GRIP1: variants seen among roughly 807,000 people sequenced by gnomAD.
The protein encoded by GRIP1 is glutamate receptor interacting protein 1, also known as glutamate receptor-interacting protein 1.
A neutral mutation model predicts 129.9 loss-of-function variants in GRIP1; 45 were observed. The ratio of observed to expected loss-of-function variants is 0.35; its 90% CI spans 0.27 to 0.44. The LOEUF (loss-of-function observed/expected upper bound fraction) is 0.44, where lower values mean the gene tolerates loss of function less well. Ranked by LOEUF, GRIP1 falls within the 20% of genes least tolerant of loss-of-function variation. GRIP1 has a pLI of 1.00. For synonymous variants in GRIP1, 530 were observed against 520.8 expected (o/e 1.02, Z -0.24); for missense variants, 1,196 against 1,396.8 (o/e 0.86, Z 2.29).
chr12:66,453,653 T>G (rs1310833440), intron 11 of GRIP1, among the ~76,000 whole-genome samples: 1 of 152,216 alleles, frequency 6.6e-6, no homozygotes, highest in Non-Finnish European at 1.5e-5. Context: ...CATATACACA[T>G]GCAATCTCAT....
At chr12:66,768,113 C>A (rs746773070) in intron 1 of GRIP1, among the ~76,000 whole-genome samples, 11 of 152,238 alleles carry the variant, frequency 7.2e-5, no homozygotes, top group Non-Finnish European at 1.2e-4. Flanking sequence ...TGATTAAATG[C>A]TCTATTTGGT....
At chr12:67,043,915 G>A (rs1048320940) in intron 1 of GRIP1, among the ~76,000 whole-genome samples, 1 of 151,902 alleles carries the variant, frequency 6.6e-6, no homozygotes, top group Non-Finnish European at 1.5e-5. Context: ...ATTTCAAACA[G>A]TGAATAGATA....
chr12:66,684,943 T>A (rs2034725587), intron 1 of GRIP1, among the ~76,000 whole-genome samples: 2 of 152,148 alleles, frequency 1.3e-5, no homozygotes. Context: ...TTCATGACCA[T>A]CTCCAACTAG....
chr12:66,960,368 GC>G (rs1204082914), intron 1 of GRIP1, among the ~76,000 whole-genome samples: 1 of 152,170 alleles, frequency 6.6e-6, no homozygotes, highest in Non-Finnish European at 1.5e-5. Context: ...ACAGCACTTA[GC>G]AATTGACTAG....
chr12:66,970,928 G>A (rs964374984), intron 1 of GRIP1, among the ~76,000 whole-genome samples: 1 of 152,050 alleles, frequency 6.6e-6, no homozygotes, highest in Non-Finnish European at 1.5e-5. Context: ...CATTCTGAGC[G>A]CACTTCAAAG....
chr12:66,637,277 T>C (rs10784568), intron 1 of GRIP1, among the ~76,000 whole-genome samples: 29,904 of 151,974 alleles, frequency 0.2, 3,048 homozygotes, highest in Non-Finnish European at 0.23. Flanking sequence ...ACCTTATATT[T>C]GGGAAGATAA....
chr12:66,973,378 CTTT>C (rs55729292), intron 1 of GRIP1, among the ~76,000 whole-genome samples: 17,552 of 129,328 alleles, frequency 0.14, 1,086 homozygotes, highest in African/African-American at 0.25. Flanking sequence ...CTTTTTCATT[CTTT>C]TTTTTTTTTT....
intron 1 of GRIP1, among the ~76,000 whole-genome samples, chr12:66,696,638 A>C (rs181963790): frequency 2.4e-4 from 36 of 151,526 alleles, no homozygotes; most frequent in African/African-American, 7.5e-4. Context: ...AAAAAACAAA[A>C]AACAAACAAA....
chr12:66,845,850 G>A (rs1469609911), intron 1 of GRIP1, among the ~76,000 whole-genome samples: 1 of 152,120 alleles, frequency 6.6e-6, no homozygotes, highest in South Asian at 2.1e-4. Context: ...AAGGACTACT[G>A]GCATGTAATA....
rs557694573 is a variant in GRIP1 at position 66,922,055 on chromosome 12, T to C, written c.58+146995A>G. Among the ~76,000 whole-genome samples, 4 of 152,346 alleles carry C rather than the reference T, an allele frequency of 2.6e-5. No individual in the cohort carries two copies. In the South Asian group the frequency reaches 8.3e-4, roughly 32 times the overall value. On this transcript the variant is annotated intron_variant, in intron 1 of 1. Transcript: ENST00000643019. The stretch of plus-strand genomic sequence containing the variant: ...TCATGCTTGTTTCAAAAGTGTTTAT[T>C]TCACCTTATCTATTTGTAAAGGATG...
chr12:66,980,489 T>C (rs905909011), intron 1 of GRIP1, among the ~76,000 whole-genome samples: 4 of 152,120 alleles, frequency 2.6e-5, no homozygotes, highest in Admixed American at 1.3e-4. Context: ...CACACGTCTG[T>C]AGTCCCAGCT....
At chr12:66,769,225 ATT>A (rs112284216) in intron 1 of GRIP1, among the ~76,000 whole-genome samples, 12 of 144,772 alleles carry the variant, frequency 8.3e-5, no homozygotes, top group Admixed American at 6.9e-5. Flanking sequence ...CCAAATGGAA[ATT>A]TTTTTTTTTT....
rs115448694 is a variant in GRIP1, at chr12:66,494,869, G to A, written c.724+20750C>T. 7.3e-3 allele frequency among the ~76,000 whole-genome samples: 1,114 copies of A among 152,140 alleles called. 16 individuals carry two copies. Among genetic ancestry groups the A allele is most frequent in the African/African-American group, 0.026 (1,070 of 41,496 alleles). ...GCACTCCAGCCAGGGTGACAGAGCA[G>A]GAAGGAAAGAAGCATCTCAGAAACA... On this transcript the variant is annotated intron_variant, in intron 7 of 24. Coordinates refer to ENST00000359742, the MANE Select transcript of GRIP1 (RefSeq NM_001366722.1).
chr12:66,492,301 C>A (rs1372336321), intron 7 of GRIP1, among the ~76,000 whole-genome samples: 1 of 152,108 alleles, frequency 6.6e-6, no homozygotes, highest in Non-Finnish European at 1.5e-5. Context: ...ATATTTAAAG[C>A]ATCTACATTT....
At chr12:67,037,329 A>AAAAAATAATAAT (rs1555167297) in intron 1 of GRIP1, 1 of 139,182 alleles carries the variant, frequency 7.2e-6, no homozygotes, top group African/African-American at 2.6e-5. Context: ...CTCTGCCTGA[A>AAAAAATAATAAT]AATAATAATA....
chr12:66,979,072 A>T (rs2042197167), intron 1 of GRIP1, among the ~76,000 whole-genome samples: 1 of 151,834 alleles, frequency 6.6e-6, no homozygotes, highest in Non-Finnish European at 1.5e-5. Flanking sequence ...GATTTACTAA[A>T]CCTGCTGAGA....
chr12:67,019,480 G>A (rs2135738976), intron 1 of GRIP1, among the ~76,000 whole-genome samples: 1 of 152,290 alleles, frequency 6.6e-6, no homozygotes, highest in East Asian at 1.9e-4. Flanking sequence ...TGTACATCGT[G>A]AAAAATAGTC....
intron 1 of GRIP1, among the ~76,000 whole-genome samples, chr12:67,047,410 T>C (rs1453009248): frequency 6.6e-6 from 1 of 152,184 alleles, no homozygotes; most frequent in African/African-American, 2.4e-5. Context: ...CCTTTCAATC[T>C]TTTTTCTGTT....
intron 11 of GRIP1, among the ~76,000 whole-genome samples, chr12:66,450,422 T>C (rs543023803): frequency 6.6e-6 from 1 of 150,984 alleles, no homozygotes; most frequent in African/African-American, 2.4e-5. Context: ...AAAGACTTGC[T>C]ATGTTTTTTT....
Sources: allele counts gnomAD v4.1 joint callset (sites outside exome capture counted in the v4.1 genomes callset), GRCh38; gene constraint gnomAD v4.1.1; transcripts MANE v1.5; gene names NCBI Gene and HGNC (gene_info 2026-07-23, HGNC 2026-07-21).